The following RASA3 variants were observed in gnomAD, a reference collection of about 807,000 sequenced individuals.
RASA3 encodes the protein ras GTPase-activating protein 3.
Under a neutral mutation model 110.0 loss-of-function variants are expected in RASA3, and 73 were observed. The observed-to-expected ratio is 0.66, with a 90% CI of 0.55 to 0.81. The LOEUF is 0.81. Among genes scored for constraint, RASA3 ranks in the 30% least tolerant of loss-of-function variants. The pLI is 0.00. For missense variants in RASA3, 976 were observed against 1,113.2 expected (o/e 0.88, Z 1.75); for synonymous variants, 500 against 451.4 (o/e 1.11, Z -1.37).
chr13:114,018,181 C>T lies in RASA3; in HGVS notation c.1014G>A (p.Leu338=). The change falls in exon 11 of 24, where the codon CTG becomes CTA. Residue 338 remains leucine, a synonymous_variant. Transcript: ENST00000334062. ...CREKQEAAVP[L]VRLFLHYGRV... is the part of the protein sequence containing the mutation. ...TGCCATAGTGTAGGAAGAGCCGCAC[C>T]AGCGGGACGGCCGCCTCCTGCTTCT... is the stretch of plus-strand genomic sequence containing the variant. 6.4e-7 allele frequency: 1 copy of T among 1,552,100 alleles called. No individual in the cohort carries two copies. Among genetic ancestry groups the T allele is most frequent in the Non-Finnish European group, 8.7e-7 (1 of 1,147,926 alleles).
At chr13:114,126,778 A>G (rs1032116292) in intron 1 of RASA3, among the ~76,000 whole-genome samples, 38 of 152,224 alleles carry the variant, frequency 2.5e-4, no homozygotes, top group African/African-American at 8.2e-4. Context: ...AGTCCCATTA[A>G]TCTCTGCAAA....
intron 3 of RASA3, among the ~76,000 whole-genome samples, chr13:114,050,527 G>A (rs6560956): frequency 0.35 from 53,785 of 152,130 alleles, 9,788 homozygotes; most frequent in Middle Eastern, 0.47. Flanking sequence ...TCCGGGTCCC[G>A]ACCCCTGCAA....
At chr13:114,103,988 A>G (rs372210463) in intron 1 of RASA3, among the ~76,000 whole-genome samples, 4 of 39,954 alleles carry the variant, frequency 1.0e-4, no homozygotes, top group South Asian at 1.4e-3. Context: ...CGCCGGCCAC[A>G]GACACCCACC....
At chr13:114,020,547 T>C (rs7989563) in intron 9 of RASA3, among the ~76,000 whole-genome samples, 107,642 of 152,226 alleles carry the variant, frequency 0.71, 38,909 homozygotes, top group African/African-American at 0.87. Context: ...ACACATGGGG[T>C]GCGAGGCCCC....
At chr13:114,036,366 G>A (rs569057857) in intron 4 of RASA3, among the ~76,000 whole-genome samples, 2 of 152,352 alleles carry the variant, frequency 1.3e-5, no homozygotes, top group South Asian at 4.1e-4. Flanking sequence ...CCTCCCCCAT[G>A]GGCTGCTTCT....
At chr13:114,017,696 G>C (rs548417480) in intron 11 of RASA3, among the ~76,000 whole-genome samples, 1 of 152,372 alleles carries the variant, frequency 6.6e-6, no homozygotes, top group African/African-American at 2.4e-5. Context: ...AGGGCCAGCA[G>C]AGAAGCAAAC....
intron 18 of RASA3, among the ~76,000 whole-genome samples, chr13:114,005,717 G>A (rs1312284733): frequency 3.9e-5 from 6 of 152,010 alleles, no homozygotes. Context: ...GTGCTCTGGG[G>A]ACTGGGGGCC....
intron 18 of RASA3, among the ~76,000 whole-genome samples, 194 bp downstream of exon 18, chr13:114,007,339 T>G (rs1184531698): frequency 1.7e-4 from 6 of 35,330 alleles, no homozygotes; most frequent in African/African-American, 9.4e-4. Context: ...GACGCCACCT[T>G]ACCCTTCTCC....
Position 114,083,207 on chromosome 13 carries a change from T to C in RASA3, c.56-9370A>G, listed in dbSNP as rs186734121. Among the ~76,000 whole-genome samples the C allele has an allele frequency of 6.6e-5, 10 of 152,334 alleles. 1 individual carries two copies. Among genetic ancestry groups the C allele is most frequent in the Middle Eastern group, 3.4e-3 (1 of 294 alleles). On this transcript the variant is annotated intron_variant, in intron 1 of 23. Transcript: ENST00000334062. ...TGAAGTTTTAAATGCCAGAAAAACA[T>C]TGTCTTAATTTTTTTGTGCTATTGC...
chr13:114,025,105 T>TCCTGCCCGGCCTCCCTC (rs2054003512), intron 7 of RASA3, among the ~76,000 whole-genome samples: 1 of 152,262 alleles, frequency 6.6e-6, no homozygotes, highest in African/African-American at 2.4e-5. Flanking sequence ...AAGGGCTCCG[T>TCCTGCCCGGCCTCCCTC]CCTGCCCGGC....
chr13:114,061,388 C>T (rs149900798), intron 2 of RASA3, among the ~76,000 whole-genome samples: 1,522 of 152,124 alleles, frequency 0.01, 54 homozygotes, highest in Admixed American at 0.062. Context: ...CCTCAGAGAA[C>T]GGCTCTTTAA....
intron 1 of RASA3, among the ~76,000 whole-genome samples, chr13:114,082,908 A>G (rs1472008760): frequency 6.6e-6 from 1 of 152,212 alleles, no homozygotes; most frequent in Non-Finnish European, 1.5e-5. Flanking sequence ...CTCTACTTCA[A>G]ACTCACAGAG....
At chr13:114,130,848 G>C (rs890668624) in intron 1 of RASA3, among the ~76,000 whole-genome samples, 1 of 152,056 alleles carries the variant, frequency 6.6e-6, no homozygotes, top group African/African-American at 2.4e-5. Context: ...CCCCGTGACT[G>C]AGGAAGCCCA....
chr13:114,128,825 CCGGCCTCCCACGGA>C (rs2080482535), intron 1 of RASA3, among the ~76,000 whole-genome samples: 3 of 152,344 alleles, frequency 2.0e-5, no homozygotes, highest in Admixed American at 1.3e-4. Context: ...CACGGCAGGC[CCGGCCTCCCACGGA>C]CGGCATTCCC....
intron 1 of RASA3, among the ~76,000 whole-genome samples, chr13:114,124,986 G>C (rs1303691370): frequency 6.6e-6 from 1 of 152,150 alleles, no homozygotes; most frequent in Non-Finnish European, 1.5e-5. Flanking sequence ...CAGCACTCCT[G>C]CCATCCCACA....
intron 1 of RASA3, among the ~76,000 whole-genome samples, chr13:114,081,120 G>A (rs946019779): frequency 1.3e-5 from 2 of 152,166 alleles, no homozygotes; most frequent in East Asian, 1.9e-4. Context: ...GCAGAGGGCC[G>A]TCCACCCAAA....
intron 19 of RASA3, among the ~76,000 whole-genome samples, chr13:114,000,195 T>A (rs978727430): frequency 6.7e-5 from 10 of 149,978 alleles, no homozygotes; most frequent in African/African-American, 2.5e-4. Context: ...GGGTCTCTGC[T>A]GGGGTGCCCT....
At position 113,996,678 on chromosome 13, in the gene RASA3, G is replaced by A. The variant is rs2139130991; in HGVS notation, c.1994C>T (p.Ala665Val). The A allele has an allele frequency of 6.2e-7, 1 of 1,613,852 alleles. No homozygotes were observed. The highest frequency in any genetic ancestry group is 8.5e-7 in the Non-Finnish European group (1 of 1,180,036). Reference protein sequence around the residue: ...LYIQANNCVEAKDWIDILTKV... With the variant: ...LYIQANNCVEVKDWIDILTKV... Reference sequence around the variant, plus strand: ...GGTGAGAATGTCGATCCAGTCCTTGGCCTCCACGCAGTTGTTGGCCTGGAT... The same window carrying A: ...GGTGAGAATGTCGATCCAGTCCTTGACCTCCACGCAGTTGTTGGCCTGGAT... Residue 665 changes from alanine to valine, a missense_variant, in exon 21 of 24, where the codon GCC becomes GTC. Physicochemically the swap from Ala to Val is moderately conservative, Grantham distance 64. This residue lies in a region of RASA3 where 109 missense variants were observed against 162.5 expected (regional missense o/e 0.67). Transcript: ENST00000334062.
At chr13:114,107,117 CG>C (rs1386061663) in intron 1 of RASA3, among the ~76,000 whole-genome samples, 1 of 152,238 alleles carries the variant, frequency 6.6e-6, no homozygotes, top group Admixed American at 6.5e-5. Context: ...CATCCAGCCA[CG>C]GTCTGCGGAC....
Sources: allele counts gnomAD v4.1 joint callset (sites outside exome capture counted in the v4.1 genomes callset), GRCh38; gene constraint gnomAD v4.1.1; regional missense constraint gnomAD v4.1.1; transcripts MANE v1.5; gene names NCBI Gene and HGNC (gene_info 2026-07-23, HGNC 2026-07-21).